The following XIRP2 variants were observed in gnomAD, a reference collection of about 807,000 sequenced individuals.
The protein encoded by XIRP2 is xin actin binding repeat containing 2, also known as xin actin-binding repeat-containing protein 2.
A neutral mutation model predicts 277.0 loss-of-function variants in XIRP2; 236 were observed. The observed-to-expected ratio is 0.85, with a 90% CI of 0.77 to 0.95. The LOEUF (loss-of-function observed/expected upper bound fraction) is 0.95. Among genes scored for constraint, XIRP2 ranks in the 40% least tolerant of loss-of-function variants. The pLI, the probability that XIRP2 is intolerant of heterozygous loss-of-function variation, is 0.00. For missense variants in XIRP2, 4,640 were observed against 4,157.5 expected (o/e 1.12, Z -3.19); for synonymous variants, 1,490 against 1,416.5 (o/e 1.05, Z -1.17).
At chr2:166,945,663 C>CTTTTTTTTTTTTTTTTTTTTTTTTTTT (rs71395267) in intron 2 of XIRP2, among the ~76,000 whole-genome samples, 2 of 69,292 alleles carry the variant, frequency 2.9e-5, no homozygotes, top group Non-Finnish European at 5.1e-5. Context: ...TAAGATAAAT[C>CTTTTTTTTTTTTTTTTTTTTTTTTTTT]TTTTTTTTTT....
chr2:166,958,895 C>T (rs960566622), intron 2 of XIRP2, among the ~76,000 whole-genome samples: 2 of 151,662 alleles, frequency 1.3e-5, no homozygotes, highest in Non-Finnish European at 3.0e-5. Context: ...ATTTCAATGG[C>T]AAAGGGGATT....
At chr2:167,206,191 T>C (rs1433953380) in intron 3 of XIRP2, among the ~76,000 whole-genome samples, 1 of 152,214 alleles carries the variant, frequency 6.6e-6, no homozygotes, top group African/African-American at 2.4e-5. Flanking sequence ...TGTGTTGGTA[T>C]GTTTAAATTA....
In XIRP2 at chr2:167,242,977, A is replaced by G; in HGVS notation, c.1585A>G (p.Met529Val). 1.9e-6 allele frequency: 3 copies of G among 1,614,000 alleles called. No homozygotes were observed. Among genetic ancestry groups the G allele is most frequent in the Non-Finnish European group, 2.5e-6 (3 of 1,179,940 alleles). The change falls in exon 9 of 11, where the codon ATG becomes GTG. Residue 529 changes from methionine to valine, a missense_variant. Transcript: ENST00000409195. ...SEVSEIVSSQ[M>V]NSGSSVSADV... ...AGTTTCTGAGATTGTTTCTAGTCAA[A>G]TGAACTCAGGGAGTTCAGTCTCAGC... is the stretch of plus-strand genomic sequence containing the variant.
chr2:166,933,933 C>T (rs1344459887), intron 2 of XIRP2, among the ~76,000 whole-genome samples: 1 of 151,514 alleles, frequency 6.6e-6, no homozygotes, highest in Non-Finnish European at 1.5e-5. Context: ...GATGTAAGCC[C>T]ATTTGTTAAA....
chr2:167,198,216 C>CA (rs1693575813), intron 3 of XIRP2, among the ~76,000 whole-genome samples: 1 of 152,196 alleles, frequency 6.6e-6, no homozygotes, highest in South Asian at 2.1e-4. Context: ...AGGAAACTGA[C>CA]ATCATCTCTT....
chr2:167,009,988 G>C (rs1401654525), intron 2 of XIRP2, among the ~76,000 whole-genome samples: 2 of 152,042 alleles, frequency 1.3e-5, no homozygotes, highest in South Asian at 4.1e-4. Context: ...TGAGTAGCTT[G>C]TGAAAATTTT....
At chr2:167,016,901 T>A (rs534191484) in intron 2 of XIRP2, among the ~76,000 whole-genome samples, 3 of 151,994 alleles carry the variant, frequency 2.0e-5, no homozygotes, top group South Asian at 4.1e-4. Flanking sequence ...AAAAAGAACT[T>A]AGTTCTTATA....
intron 5 of XIRP2, among the ~76,000 whole-genome samples, chr2:167,233,880 TACGTAAA>T: frequency 6.6e-6 from 1 of 151,730 alleles, no homozygotes; most frequent in South Asian, 2.1e-4. Context: ...AATATACATC[TACGTAAA>T]ACTTCTGAAA....
chr2:166,911,276 G>T (rs1684691674), intron 2 of XIRP2, among the ~76,000 whole-genome samples: 1 of 152,146 alleles, frequency 6.6e-6, no homozygotes, highest in Admixed American at 6.5e-5. Context: ...CTCAGGACTT[G>T]CTTTATGAAT....
intron 2 of XIRP2, among the ~76,000 whole-genome samples, chr2:167,082,288 T>G (rs2105263324): frequency 6.6e-6 from 1 of 152,344 alleles, no homozygotes; most frequent in South Asian, 2.1e-4. Context: ...TCCTTTTTTA[T>G]GGCTGCATAG....
intron 2 of XIRP2, among the ~76,000 whole-genome samples, chr2:167,051,715 A>G (rs1688919550): frequency 6.6e-6 from 1 of 152,112 alleles, no homozygotes; most frequent in African/African-American, 2.4e-5. Flanking sequence ...TAAGTATCTT[A>G]TAATAAAACA....
Position 167,247,142 on chromosome 2 carries a change from T to C in XIRP2, c.5750T>C (p.Leu1917Pro). 6.2e-7 allele frequency: 1 copy of C among 1,613,552 alleles called. No individual in the cohort carries two copies. Among genetic ancestry groups the C allele is most frequent in the Admixed American group, 1.7e-5 (1 of 59,924 alleles). Residue 1917 changes from leucine (L) to proline (P), a missense_variant, in exon 9 of 11, where the codon CTT (leucine) becomes CCT (proline). By Grantham distance (98) the Leu-to-Pro change is moderately conservative. Transcript: ENST00000409195. ...NTKTEILKKE[L>P]LKDDLETSLR... ...AAGACAGAAATTCTGAAAAAGGAGC[T>C]TCTCAAAGATGACCTGGAAACATCA...
In XIRP2 at chr2:167,258,743, C is replaced by T; in HGVS notation, c.*926C>T. ...GACATCTATTTTAGAATTTCTTGAT[C>T]TATTACCCTTGTCGAGTGAAGCAAA... On this transcript the variant is annotated 3_prime_UTR_variant, in exon 11 of 11. Coordinates refer to ENST00000409195, the MANE Select transcript of XIRP2 (RefSeq NM_152381.6). 1 of 1,613,324 alleles carries T rather than the reference C, an allele frequency of 6.2e-7. No individual in the cohort carries two copies. The highest frequency in any genetic ancestry group is 8.5e-7 in the Non-Finnish European group (1 of 1,179,616).
At chr2:167,149,508 C>T (rs2105330259) in intron 3 of XIRP2, among the ~76,000 whole-genome samples, 2 of 152,188 alleles carry the variant, frequency 1.3e-5, no homozygotes, top group South Asian at 4.1e-4. Context: ...ACATATGTGG[C>T]AATTCAGGTC....
chr2:166,998,150 T>C (rs1687273614), intron 2 of XIRP2, among the ~76,000 whole-genome samples: 1 of 152,200 alleles, frequency 6.6e-6, no homozygotes, highest in African/African-American at 2.4e-5. Flanking sequence ...TGATTCCATG[T>C]CTTTGCTATT....
chr2:166,959,308 A>G (rs1686244318), intron 2 of XIRP2, among the ~76,000 whole-genome samples: 1 of 151,894 alleles, frequency 6.6e-6, no homozygotes, highest in African/African-American at 2.4e-5. Context: ...AATAAGGGCT[A>G]CAGAGACCTT....
chr2:167,186,808 T>G (rs1456332317), intron 3 of XIRP2, among the ~76,000 whole-genome samples: 2 of 150,492 alleles, frequency 1.3e-5, no homozygotes, highest in East Asian at 1.9e-4. Context: ...CTTCCTTGTT[T>G]TTTTTTTTTT....
intron 3 of XIRP2, among the ~76,000 whole-genome samples, chr2:167,185,987 T>C (rs1250630984): frequency 6.6e-6 from 1 of 152,196 alleles, no homozygotes; most frequent in Non-Finnish European, 1.5e-5. Context: ...GTGATTTAAA[T>C]CAGTATTGTC....
At chr2:166,921,102 G>A (rs1685025090) in intron 2 of XIRP2, among the ~76,000 whole-genome samples, 1 of 151,102 alleles carries the variant, frequency 6.6e-6, no homozygotes, top group African/African-American at 2.4e-5. Flanking sequence ...CTTTCTTTGG[G>A]CTCAAGTTGC....
Sources: allele counts gnomAD v4.1 joint callset (sites outside exome capture counted in the v4.1 genomes callset), GRCh38; gene constraint gnomAD v4.1.1; transcripts MANE v1.5; gene names NCBI Gene and HGNC (gene_info 2026-07-23, HGNC 2026-07-21).